DPY19L2: variants seen among roughly 807,000 people sequenced by gnomAD.
The protein encoded by DPY19L2 is probable C-mannosyltransferase DPY19L2.
In DPY19L2, 34 loss-of-function variants were observed where a neutral mutation model predicts 97.9. The ratio of observed to expected loss-of-function variants is 0.35; its 90% CI spans 0.26 to 0.46. DPY19L2 has a LOEUF of 0.46. DPY19L2 is among the 20% of genes least tolerant of loss of function. The probability of loss-of-function intolerance (pLI) is 1.00; values close to 1 mark genes in which losing one functional copy is unlikely to be tolerated. For synonymous variants in DPY19L2, 230 were observed against 307.9 expected (o/e 0.75, Z 2.65); for missense variants, 623 against 911.4 (o/e 0.68, Z 4.07).
chr12:63,626,175 C>A (rs1204743469), intron 7 of DPY19L2, among the ~76,000 whole-genome samples: 1 of 151,278 alleles, frequency 6.6e-6, no homozygotes, highest in South Asian at 2.1e-4. Flanking sequence ...GGGAATAAAT[C>A]AGATAATGTG....
intron 9 of DPY19L2, chr12:63,620,069 T>C (rs1298123049): frequency 1.2e-5 from 5 of 427,350 alleles, no homozygotes; most frequent in Non-Finnish European, 1.8e-5. Flanking sequence ...TGGCAGAATT[T>C]CTCACTTCCA....
At chr12:63,635,105 G>A (rs1446598380) in intron 6 of DPY19L2, among the ~76,000 whole-genome samples, 1 of 152,184 alleles carries the variant, frequency 6.6e-6, no homozygotes, top group Non-Finnish European at 1.5e-5. Flanking sequence ...TGATCAGGCA[G>A]CAACATTTGC....
chr12:63,560,721 A>G, intron 21 of DPY19L2, 59 bp from the exon 22 acceptor site: 1 of 1,585,854 alleles, frequency 6.3e-7, no homozygotes, highest in African/African-American at 1.4e-5. Flanking sequence ...TAGAGACAAT[A>G]GATACATAAC....
At chr12:63,632,298 T>C (rs61936095) in intron 6 of DPY19L2, among the ~76,000 whole-genome samples, 11,621 of 152,188 alleles carry the variant, frequency 0.076, 558 homozygotes, top group Middle Eastern at 0.14. Flanking sequence ...GATGACATGA[T>C]TGTACATCTA....
intron 12 of DPY19L2, among the ~76,000 whole-genome samples, chr12:63,605,229 G>A (rs574656428): frequency 1.3e-5 from 2 of 152,098 alleles, no homozygotes; most frequent in Non-Finnish European, 2.9e-5. Context: ...CTAGGAGGTC[G>A]GTAAGGAGCA....
intron 4 of DPY19L2, among the ~76,000 whole-genome samples, chr12:63,650,670 A>T (rs1248125606): frequency 6.6e-6 from 1 of 152,134 alleles, no homozygotes; most frequent in African/African-American, 2.4e-5. Flanking sequence ...ATTACAAAAC[A>T]CTGCTGAAAG....
At chr12:63,629,820 G>A (rs1890262131) in intron 6 of DPY19L2, among the ~76,000 whole-genome samples, 2 of 152,120 alleles carry the variant, frequency 1.3e-5, no homozygotes, top group South Asian at 2.1e-4. Flanking sequence ...CAGAGAGAAA[G>A]GTCAGGTTAC....
At chr12:63,604,306 G>A (rs1301548473) in intron 12 of DPY19L2, among the ~76,000 whole-genome samples, 3 of 151,982 alleles carry the variant, frequency 2.0e-5, no homozygotes, top group Admixed American at 6.5e-5. Flanking sequence ...AATGTATCTT[G>A]GCATGGATTT....
Position 63,668,232 on chromosome 12 carries a change from G to T in DPY19L2, c.162C>A (p.Ser54=). 6.2e-7 allele frequency: 1 copy of T among 1,613,848 alleles called. No homozygotes were observed. Among genetic ancestry groups the T allele is most frequent in the African/African-American group, 1.3e-5 (1 of 74,982 alleles). ...TCAGACTTTGGATCCTCCCCGGGGA[G>T]GACCTCCAGGAGCCCCTTGGCAGTT... ...GGKLPRGSWR[S]SPGRIQSLKE... The change falls in exon 1 of 22, where the codon TCC becomes TCA. Residue 54 remains serine (S), a synonymous_variant. Transcript: ENST00000324472.
intron 6 of DPY19L2, among the ~76,000 whole-genome samples, chr12:63,630,531 T>C (rs1890416411): frequency 1.3e-5 from 2 of 152,086 alleles, no homozygotes; most frequent in Admixed American, 6.5e-5. Flanking sequence ...CCTAAATATA[T>C]ATGCACCCAA....
At chr12:63,587,738 A>C (rs7294349) in intron 16 of DPY19L2, among the ~76,000 whole-genome samples, 89,903 of 151,522 alleles carry the variant, frequency 0.59, 27,428 homozygotes, top group African/African-American at 0.76. Context: ...ACACCCAGCT[A>C]ATTTGTGTAT....
intron 13 of DPY19L2, 70 bp from the exon 14 acceptor site, chr12:63,597,980 A>C: frequency 8.4e-7 from 1 of 1,196,042 alleles, no homozygotes; most frequent in Non-Finnish European, 1.2e-6. Flanking sequence ...GTAATACTTT[A>C]TTGATGTAAG....
chr12:63,665,653 C>CA (rs2136166075), intron 2 of DPY19L2, among the ~76,000 whole-genome samples, 182 bp downstream of exon 2: 1 of 152,182 alleles, frequency 6.6e-6, no homozygotes, highest in African/African-American at 2.4e-5. Context: ...CCTAATGCAT[C>CA]TATTTTGTAA....
At chr12:63,612,428 CAT>C (rs4044652) in intron 11 of DPY19L2, among the ~76,000 whole-genome samples, 3 of 151,756 alleles carry the variant, frequency 2.0e-5, no homozygotes, top group African/African-American at 7.3e-5. Context: ...TTCTATATCA[CAT>C]GTTTAAGTAA....
intron 15 of DPY19L2, 98 bp downstream of exon 15, chr12:63,595,868 A>G: frequency 9.0e-7 from 1 of 1,115,454 alleles, no homozygotes; most frequent in Non-Finnish European, 1.3e-6. Context: ...AGAGAGAGAA[A>G]GAGTTCATCC....
chr12:63,615,044 G>A (rs539410194), intron 11 of DPY19L2, among the ~76,000 whole-genome samples: 5 of 152,218 alleles, frequency 3.3e-5, no homozygotes, highest in South Asian at 2.1e-4. Context: ...ATCAGACCAC[G>A]AGTGTCATGT....
chr12:63,594,592 TG>T (rs1883852531), intron 15 of DPY19L2, among the ~76,000 whole-genome samples: 1 of 151,140 alleles, frequency 6.6e-6, no homozygotes, highest in Non-Finnish European at 1.5e-5. Context: ...TGTGTGTGTG[TG>T]TGCGTGCACG....
chr12:63,606,298 T>C (rs1436905140), intron 12 of DPY19L2, among the ~76,000 whole-genome samples: 5 of 152,102 alleles, frequency 3.3e-5, no homozygotes, highest in Non-Finnish European at 5.9e-5. Context: ...TAATAAAATG[T>C]GAAAAAGCAC....
chr12:63,614,185 C>T lies in DPY19L2; in HGVS notation c.1218+3119G>A, dbSNP rs530785701. 1.1e-3 allele frequency among the ~76,000 whole-genome samples: 119 copies of T among 104,522 alleles called. No individual in the cohort carries two copies. In the Middle Eastern group the frequency reaches 0.018, roughly 16 times the overall value. The allele number at this position is 104,522 out of a possible 152,430, so 68.6% of individuals were successfully genotyped here. A position where few individuals can be genotyped will look rare whatever the true frequency, so the allele number is the denominator to read the frequency against. The stretch of plus-strand genomic sequence containing the variant: ...AGCCTGGGCAACAAGAGCGAAACTC[C>T]GTCTCAAAAAAAAAAAAAAAAGAAG... On this transcript the variant is annotated intron_variant, in intron 11 of 21. Transcript: ENST00000324472.
Sources: gnomAD v4.1 joint callset for allele counts (sites outside exome capture counted in the v4.1 genomes callset) on GRCh38, gnomAD v4.1.1 for gene constraint, MANE v1.5 for transcripts, NCBI Gene and HGNC (gene_info 2026-07-23, HGNC 2026-07-21) for gene names.